EPHB1: variants seen among roughly 807,000 people sequenced by gnomAD.
The protein encoded by EPHB1 is ephrin type-B receptor 1.
A neutral mutation model predicts 94.4 loss-of-function variants in EPHB1; 30 were observed. That is an observed-to-expected ratio of 0.32 (90% CI 0.24 to 0.43). EPHB1 has a LOEUF of 0.43. Among genes scored for constraint, EPHB1 ranks in the 20% least tolerant of loss-of-function variants. The pLI is 1.00. For missense variants in EPHB1, 1,055 were observed against 1,308.3 expected (o/e 0.81, Z 2.99); for synonymous variants, 522 against 489.1 (o/e 1.07, Z -0.89).
intron 4 of EPHB1, among the ~76,000 whole-genome samples, chr3:135,118,882 C>G (rs1379618969): frequency 5.3e-5 from 8 of 152,060 alleles, no homozygotes; most frequent in Non-Finnish European, 1.2e-4. Flanking sequence ...AATGCATATC[C>G]CTATATTTGT....
chr3:134,941,923 A>G (rs530090445), intron 2 of EPHB1, among the ~76,000 whole-genome samples: 21 of 152,332 alleles, frequency 1.4e-4, no homozygotes, highest in African/African-American at 5.0e-4. Flanking sequence ...GAGAGACCTG[A>G]AAGTGTCTTT....
intron 3 of EPHB1, among the ~76,000 whole-genome samples, chr3:134,960,574 T>G (rs1457561): frequency 0.49 from 74,102 of 151,974 alleles, 18,777 homozygotes; most frequent in African/African-American, 0.6. Flanking sequence ...TCATCTTCCT[T>G]TGTACCCACC....
chr3:134,894,168 G>A (rs544082528), intron 1 of EPHB1, among the ~76,000 whole-genome samples: 5 of 152,294 alleles, frequency 3.3e-5, no homozygotes, highest in Middle Eastern at 3.4e-3. Flanking sequence ...AGCCCAGCAC[G>A]TGTGGGGCTC....
chr3:135,220,741 G>A (rs537580288), intron 12 of EPHB1, among the ~76,000 whole-genome samples: 3 of 152,174 alleles, frequency 2.0e-5, no homozygotes, highest in East Asian at 3.9e-4. Context: ...GGCAAGGCTG[G>A]TATTTTATTC....
intron 3 of EPHB1, among the ~76,000 whole-genome samples, chr3:134,998,075 T>C (rs556954062): frequency 6.6e-6 from 1 of 151,950 alleles, no homozygotes; most frequent in South Asian, 2.1e-4. Context: ...ATACCTGAAA[T>C]GCTTTCTCTT....
At chr3:134,965,108 C>G (rs559967260) in intron 3 of EPHB1, among the ~76,000 whole-genome samples, 8 of 152,132 alleles carry the variant, frequency 5.3e-5, no homozygotes, top group Admixed American at 5.2e-4. Context: ...TTGTAGGATG[C>G]CTTCCTTCTT....
At chr3:135,085,976 G>A (rs1384571429) in intron 3 of EPHB1, among the ~76,000 whole-genome samples, 1 of 152,162 alleles carries the variant, frequency 6.6e-6, no homozygotes, top group Non-Finnish European at 1.5e-5. Flanking sequence ...TAAGAGCTGA[G>A]GGGAGGCCTC....
intron 1 of EPHB1, among the ~76,000 whole-genome samples, chr3:134,924,391 C>G (rs1322908987): frequency 5.9e-5 from 9 of 151,932 alleles, no homozygotes; most frequent in African/African-American, 2.2e-4. Flanking sequence ...CTCTCAAACT[C>G]AATAATAAGA....
chr3:135,080,471 T>C (rs1025897053), intron 3 of EPHB1, among the ~76,000 whole-genome samples: 2 of 152,090 alleles, frequency 1.3e-5, no homozygotes, highest in African/African-American at 4.8e-5. Context: ...GGTGAATTGC[T>C]CCAGTCAGAT....
chr3:134,905,015 G>C (rs2038288904), intron 1 of EPHB1, among the ~76,000 whole-genome samples: 1 of 152,180 alleles, frequency 6.6e-6, no homozygotes, highest in South Asian at 2.1e-4. Context: ...AGCTGAAACT[G>C]TAAAACAAAA....
At chr3:135,073,009 A>T (rs1266734045) in intron 3 of EPHB1, among the ~76,000 whole-genome samples, 2 of 152,150 alleles carry the variant, frequency 1.3e-5, no homozygotes, top group East Asian at 3.8e-4. Context: ...AACCAAGTAA[A>T]TATTTGTTTA....
At chr3:135,253,601 T>C (rs1933228586) in intron 15 of EPHB1, among the ~76,000 whole-genome samples, 1 of 148,064 alleles carries the variant, frequency 6.8e-6, no homozygotes. Context: ...TACCATGCTG[T>C]TTTGGTTACT....
At chr3:135,114,079 G>C (rs745683627) in intron 4 of EPHB1, among the ~76,000 whole-genome samples, 9 of 152,182 alleles carry the variant, frequency 5.9e-5, no homozygotes, top group Non-Finnish European at 1.3e-4. Context: ...GCTTTTGTTT[G>C]TCCCCTCAGG....
At chr3:134,970,212 G>T (rs1451766319) in intron 3 of EPHB1, among the ~76,000 whole-genome samples, 2 of 152,170 alleles carry the variant, frequency 1.3e-5, no homozygotes, top group African/African-American at 4.8e-5. Context: ...TTGGCACAAA[G>T]ATTTTCTTCT....
intron 1 of EPHB1, among the ~76,000 whole-genome samples, chr3:134,824,125 CTTTTTTT>C (rs373504139): frequency 9.9e-6 from 1 of 100,756 alleles, no homozygotes; most frequent in Non-Finnish European, 2.0e-5. Context: ...GGATAATGCC[CTTTTTTT>C]TTTTTTTTTT....
intron 3 of EPHB1, among the ~76,000 whole-genome samples, chr3:135,077,334 C>T (rs1381451539): frequency 6.6e-6 from 1 of 152,186 alleles, no homozygotes; most frequent in East Asian, 1.9e-4. Context: ...GGTTTGTTCT[C>T]TCTTTCTCAC....
intron 3 of EPHB1, among the ~76,000 whole-genome samples, chr3:135,090,932 T>C (rs866133914): frequency 1.3e-5 from 2 of 152,358 alleles, no homozygotes; most frequent in Middle Eastern, 3.4e-3. Context: ...AAGCTGGAAA[T>C]TCCACTGAGC....
In EPHB1 at chr3:134,916,038, T is replaced by C. The variant is rs949325810; in HGVS notation, c.59-9778T>C. Among the ~76,000 whole-genome samples, 5 of 152,076 alleles carry C rather than the reference T, an allele frequency of 3.3e-5. No homozygotes were observed. The South Asian group carries it at 1.0e-3, about 32-fold the overall frequency. On this transcript the variant is annotated intron_variant, in intron 1 of 15. Transcript: ENST00000398015. ...GTTTTACAGAGAGCTGATTGGTCCG[T>C]TTTGACAGGGTGCTGATTGGTGCGT...
intron 1 of EPHB1, among the ~76,000 whole-genome samples, chr3:134,913,934 C>T (rs1319310191): frequency 6.6e-6 from 1 of 152,200 alleles, no homozygotes; most frequent in African/African-American, 2.4e-5. Context: ...GTTGGGGCCA[C>T]ACAGGATGGC....
Sources: gnomAD v4.1 joint callset for allele counts (sites outside exome capture counted in the v4.1 genomes callset) on GRCh38, gnomAD v4.1.1 for gene constraint, MANE v1.5 for transcripts, NCBI Gene and HGNC (gene_info 2026-07-23, HGNC 2026-07-21) for gene names.